Variants in MLXIP observed in about 807,000 individuals in gnomAD.
The protein encoded by MLXIP is MLX interacting protein, also known as MLX-interacting protein.
A neutral mutation model predicts 87.2 loss-of-function variants in MLXIP; 30 were observed. The observed-to-expected ratio is 0.34, with a 90% CI of 0.26 to 0.47. The LOEUF is 0.47. Among genes scored for constraint, MLXIP ranks in the 20% least tolerant of loss-of-function variants. MLXIP has a pLI of 1.00. For missense variants in MLXIP, 1,002 were observed against 1,240.1 expected (o/e 0.81, Z 2.88); for synonymous variants, 530 against 514.0 (o/e 1.03, Z -0.42).
At position 122,078,764 on chromosome 12, in the gene MLXIP, C is replaced by T. The variant is rs1301908031; in HGVS notation, c.-90C>T. On this transcript the variant is annotated 5_prime_UTR_variant, in exon 1 of 17. Transcript: ENST00000319080. ...GCCGCGCGCTCGCGGACAGTCGGCG[C>T]GCGGGCCGGGCCGGGCCGGCGCCCC... 5 of 1,005,742 alleles carry T rather than the reference C, an allele frequency of 5.0e-6. No individual in the cohort carries two copies. The highest frequency in any genetic ancestry group is 5.9e-6 in the Non-Finnish European group (5 of 842,570). The allele number at this position is 1,005,742 out of a possible 1,614,324, so 62.3% of individuals were successfully genotyped here. A position where few individuals can be genotyped will look rare whatever the true frequency, so the allele number is the denominator to read the frequency against.
intron 1 of MLXIP, among the ~76,000 whole-genome samples, chr12:122,116,640 C>T (rs1410154523): frequency 2.6e-5 from 4 of 152,198 alleles, no homozygotes; most frequent in African/African-American, 9.6e-5. Context: ...CCTGCCCCTG[C>T]CTGAAAGTCC....
intron 1 of MLXIP, among the ~76,000 whole-genome samples, chr12:122,122,807 A>G (rs1952805517): frequency 6.6e-6 from 1 of 151,336 alleles, no homozygotes; most frequent in South Asian, 2.1e-4. Context: ...TCGGCCTCCC[A>G]AAGTGGTGGG....
chr12:122,090,458 C>T (rs1565957969), intron 1 of MLXIP, among the ~76,000 whole-genome samples: 2 of 151,788 alleles, frequency 1.3e-5, no homozygotes, highest in Admixed American at 1.3e-4. Flanking sequence ...GATCCCACCA[C>T]TGCCCTCCAT....
At chr12:122,118,509 C>T (rs1182741863) in intron 1 of MLXIP, among the ~76,000 whole-genome samples, 2 of 152,156 alleles carry the variant, frequency 1.3e-5, no homozygotes, top group African/African-American at 2.4e-5. Flanking sequence ...CTTTTCTCCT[C>T]CCTCCTCTCC....
At chr12:122,134,287 C>T (rs898316360) in intron 9 of MLXIP, 10 of 386,528 alleles carry the variant, frequency 2.6e-5, no homozygotes, top group East Asian at 1.4e-4. Flanking sequence ...CGCCCCCTCC[C>T]GGGTTCAAGC....
intron 1 of MLXIP, among the ~76,000 whole-genome samples, chr12:122,079,986 T>C (rs975723339): frequency 1.3e-5 from 2 of 152,098 alleles, no homozygotes; most frequent in Non-Finnish European, 2.9e-5. Flanking sequence ...TCCTGAAACA[T>C]TATATGAGGG....
At chr12:122,114,506 C>A (rs1160605713) in intron 1 of MLXIP, among the ~76,000 whole-genome samples, 2 of 152,146 alleles carry the variant, frequency 1.3e-5, no homozygotes, top group Non-Finnish European at 2.9e-5. Flanking sequence ...TCTAGCCCCG[C>A]CCAGATGTCT....
intron 1 of MLXIP, among the ~76,000 whole-genome samples, chr12:122,122,860 CTT>C (rs60568039): frequency 1.4e-5 from 2 of 142,360 alleles, no homozygotes; most frequent in Non-Finnish European, 1.5e-5. Context: ...TTTTCTTTTT[CTT>C]TTTTTTTTTT....
In MLXIP at chr12:122,141,937, CA is replaced by C; in HGVS notation, c.*126del. 1 of 1,441,446 alleles carries C rather than the reference CA, an allele frequency of 6.9e-7. No homozygotes were observed. Among genetic ancestry groups the C allele is most frequent in the Non-Finnish European group, 9.3e-7 (1 of 1,071,870 alleles). 89.3% of individuals were successfully genotyped at this position (1,441,446 alleles called of 1,614,324 possible). A position where few individuals can be genotyped will look rare whatever the true frequency, so the allele number is the denominator to read the frequency against. On this transcript the variant is annotated 3_prime_UTR_variant, in exon 17 of 17. Transcript: ENST00000319080. ...GGGCCTCTCTCCAACTCTGCCGGCCCACCGTGGCATCGGGAGGCCATGCTCA... is the reference window on the plus strand; with the variant it reads ...GGGCCTCTCTCCAACTCTGCCGGCCCCCGTGGCATCGGGAGGCCATGCTCA...
Position 122,098,359 on chromosome 12 carries a change from C to T in MLXIP, c.413+19093C>T, listed in dbSNP as rs572642804. On this transcript the variant is annotated intron_variant, in intron 1 of 16. Transcript: ENST00000319080. ...TGGAAAGATGGGGAGCAGCCACCCC[C>T]GCTGAGCAACTCAGATTGAGGTTGG... 1.2e-4 allele frequency among the ~76,000 whole-genome samples: 19 copies of T among 152,362 alleles called. No individual in the cohort carries two copies. The East Asian group carries it at 1.9e-3, about 15-fold the overall frequency.
At chr12:122,107,418 A>T (rs1952538425) in intron 1 of MLXIP, among the ~76,000 whole-genome samples, 1 of 151,306 alleles carries the variant, frequency 6.6e-6, no homozygotes, top group Non-Finnish European at 1.5e-5. Context: ...CCCTCTTCCC[A>T]TCCAGAGTCA....
rs1209781237 is a variant in MLXIP, at chr12:122,134,872, C to A, written c.1733-352C>A. 5 of 324,032 alleles carry A rather than the reference C, an allele frequency of 1.5e-5. No homozygotes were observed. In the East Asian group the frequency reaches 4.3e-4, roughly 28 times the overall value. The allele number at this position is 324,032 out of a possible 1,614,324, so 20.1% of individuals were successfully genotyped here. ...TATCTTCAGTAGAGATGGGGTTTCA[C>A]CACATTGGCCAGGCTGGTCTCGAAC... On this transcript the variant is annotated intron_variant, in intron 9 of 16. Coordinates refer to ENST00000319080, the MANE Select transcript of MLXIP (RefSeq NM_014938.6).
chr12:122,122,794 G>A (rs1239616366), intron 1 of MLXIP, among the ~76,000 whole-genome samples: 4 of 151,694 alleles, frequency 2.6e-5, no homozygotes, highest in Admixed American at 6.6e-5. Flanking sequence ...TGATACACCC[G>A]CCTCGGCCTC....
intron 1 of MLXIP, among the ~76,000 whole-genome samples, chr12:122,112,035 T>C (rs967300453): frequency 2.6e-5 from 4 of 152,234 alleles, no homozygotes; most frequent in African/African-American, 9.7e-5. Context: ...AGGCAAGAAT[T>C]CTAAAATTGT....
intron 1 of MLXIP, among the ~76,000 whole-genome samples, chr12:122,097,960 G>T (rs1010452110): frequency 5.3e-5 from 8 of 152,222 alleles, no homozygotes; most frequent in South Asian, 4.1e-4. Context: ...AGTACTGTGA[G>T]CCAGCAGGTA....
In MLXIP at chr12:122,146,906, C is replaced by T. The variant is rs1337457778; in HGVS notation, c.*5094C>T. On this transcript the variant is annotated 3_prime_UTR_variant, in exon 17 of 17. Transcript: ENST00000319080. ...CTGCAGTTAAAAGGCAGGGAGGGCT[C>T]AGCCCGGGCCCCACAGCTCCAGGCC... The T allele has an allele frequency of 6.6e-6, 1 of 152,258 alleles. No individual in the cohort carries two copies. The highest frequency in any genetic ancestry group is 1.5e-5 in the Non-Finnish European group (1 of 68,062). 9.4% of individuals were successfully genotyped at this position (152,258 alleles called of 1,614,324 possible). A position where few individuals can be genotyped will look rare whatever the true frequency, so the allele number is the denominator to read the frequency against.
chr12:122,117,258 G>C (rs1004522948), intron 1 of MLXIP, among the ~76,000 whole-genome samples: 1 of 152,248 alleles, frequency 6.6e-6, no homozygotes, highest in Admixed American at 6.5e-5. Context: ...GGATGGAGCA[G>C]GACCTGAAAC....
chr12:122,114,493 G>GT (rs1413991081), intron 1 of MLXIP, among the ~76,000 whole-genome samples: 1 of 152,174 alleles, frequency 6.6e-6, no homozygotes, highest in Non-Finnish European at 1.5e-5. Flanking sequence ...TTGACCTTTA[G>GT]TTTCTAGCCC....
intron 1 of MLXIP, among the ~76,000 whole-genome samples, chr12:122,096,190 G>A (rs1036161713): frequency 2.0e-5 from 3 of 149,698 alleles, no homozygotes; most frequent in South Asian, 2.1e-4. Flanking sequence ...CAATCGTCCC[G>A]CCTCAGCCTC....
Sources: allele counts gnomAD v4.1 joint callset (sites outside exome capture counted in the v4.1 genomes callset), GRCh38; gene constraint gnomAD v4.1.1; transcripts MANE v1.5; gene names NCBI Gene and HGNC (gene_info 2026-07-23, HGNC 2026-07-21).